The following TEX9 variants were observed in gnomAD, a reference collection of about 807,000 sequenced individuals.
The protein encoded by TEX9 is testis expressed 9.
TEX9 carries 74 observed loss-of-function variants against 59.6 expected under a neutral mutation model. That is an observed-to-expected ratio of 1.24 (90% CI 1.03 to 1.51). The LOEUF (loss-of-function observed/expected upper bound fraction) is 1.51, where lower values mean the gene tolerates loss of function less well. TEX9 is among the 40% of genes most tolerant of loss of function. The pLI, the probability that TEX9 is intolerant of heterozygous loss-of-function variation, is 0.00. For synonymous variants in TEX9, 186 were observed against 152.2 expected, an observed-to-expected ratio of 1.22 and a Z score of -1.64; for missense variants, 522 against 447.8, an observed-to-expected ratio of 1.17 and a Z score of -1.49.
Position 56,264,196 on chromosome 15 carries a change from A to G in TEX9, c.-107+19918A>G, listed in dbSNP as rs74018609. On this transcript the variant is annotated intron_variant, in intron 1 of 5. Coordinates refer to the TEX9 transcript ENST00000560827. ...GTCGCACCGTTTTTGAATTCCCAGC[A>G]ATAATGAATAAGGATTCCAATTTGT... 4.6e-3 allele frequency among the ~76,000 whole-genome samples: 706 copies of G among 152,320 alleles called. 12 individuals are homozygous for G. The highest frequency in any genetic ancestry group is 0.017 in the African/African-American group (689 of 41,576).
At chr15:56,327,394 T>C (rs535818894) in intron 1 of TEX9, among the ~76,000 whole-genome samples, 2 of 152,326 alleles carry the variant, frequency 1.3e-5, no homozygotes, top group African/African-American at 4.8e-5. Flanking sequence ...AAAACAATGC[T>C]TAAAAGATAT....
exon 9 of TEX9, chr15:56,394,736 A>C: frequency 6.2e-7 from 1 of 1,611,692 alleles, no homozygotes; most frequent in Non-Finnish European, 8.5e-7. Context: ...GCGAACAATT[A>C]ATATGCAACA....
intron 1 of TEX9, among the ~76,000 whole-genome samples, chr15:56,286,756 G>C (rs2044962602): frequency 6.6e-6 from 1 of 152,132 alleles, no homozygotes; most frequent in Non-Finnish European, 1.5e-5. Flanking sequence ...GAAAAATAAA[G>C]TTGTATGTCT....
At chr15:56,359,737 T>C (rs1361110953) in intron 1 of TEX9, among the ~76,000 whole-genome samples, 3 of 152,166 alleles carry the variant, frequency 2.0e-5, no homozygotes, top group Non-Finnish European at 2.9e-5. Flanking sequence ...TGTATACTCC[T>C]TATTCCCTTT....
At chr15:56,421,813 T>C (rs1388226737) in intron 10 of TEX9, 3 of 151,700 alleles carry the variant, frequency 2.0e-5, no homozygotes, top group African/African-American at 7.3e-5. Flanking sequence ...TTTTTATGGC[T>C]GCATAGTATT....
At chr15:56,344,235 T>C (rs927402306) in intron 1 of TEX9, among the ~76,000 whole-genome samples, 3 of 152,216 alleles carry the variant, frequency 2.0e-5, no homozygotes, top group Non-Finnish European at 4.4e-5. Context: ...ATAACAGCAT[T>C]ATCCATAATT....
intron 1 of TEX9, among the ~76,000 whole-genome samples, chr15:56,283,164 A>G (rs2141464193): frequency 6.6e-6 from 1 of 152,088 alleles, no homozygotes; most frequent in South Asian, 2.1e-4. Flanking sequence ...GAGAGTTTGA[A>G]GGGACACAGG....
At chr15:56,456,657 G>C in the TEX9 span, 1 of 902,380 alleles carries the variant, frequency 1.1e-6, no homozygotes, top group Non-Finnish European at 1.6e-6. Context: ...AATACAAAAT[G>C]TTGTTTCAAT....
chr15:56,249,580 A>T (rs1219194416), intron 1 of TEX9, among the ~76,000 whole-genome samples: 2 of 151,882 alleles, frequency 1.3e-5, no homozygotes, highest in East Asian at 3.9e-4. Context: ...TCTACTAAAA[A>T]TACAAAAATT....
At position 56,335,622 on chromosome 15, in the gene TEX9, T is replaced by C. The variant is rs78197839; in HGVS notation, c.-106-37819T>C. 6.8e-4 allele frequency among the ~76,000 whole-genome samples: 104 copies of C among 152,318 alleles called. 3 individuals carry two copies. In the East Asian group the frequency reaches 0.02, roughly 29 times the overall value. On this transcript the variant is annotated intron_variant, in intron 1 of 5. Coordinates refer to the TEX9 transcript ENST00000560827. ...TGATTATAGTAAAAACTAATTTAGT[T>C]GTACATTTAAAAATAACTAGAAGAA... is the stretch of plus-strand genomic sequence containing the variant.
At chr15:56,455,445 C>T in the TEX9 span, among the ~76,000 whole-genome samples, 1 of 152,056 alleles carries the variant, frequency 6.6e-6, no homozygotes, top group African/African-American at 2.4e-5. Flanking sequence ...ATTTGCCAAA[C>T]ATATTAATAT....
intron 1 of TEX9, among the ~76,000 whole-genome samples, chr15:56,273,639 A>C (rs1414884954): frequency 2.0e-5 from 3 of 152,144 alleles, no homozygotes; most frequent in African/African-American, 7.2e-5. Flanking sequence ...TTTCTGTAAT[A>C]CTTCTGTTTA....
chr15:56,327,593 C>T (rs2682019), intron 1 of TEX9, among the ~76,000 whole-genome samples: 52,945 of 152,058 alleles, frequency 0.35, 10,578 homozygotes, highest in Non-Finnish European at 0.45. Context: ...GAAAGAAGCA[C>T]TGAAGAGGGT....
At chr15:56,453,005 TC>T in the TEX9 span, among the ~76,000 whole-genome samples, 1 of 152,202 alleles carries the variant, frequency 6.6e-6, no homozygotes, top group East Asian at 1.9e-4. Flanking sequence ...AATAATCAAT[TC>T]CTATTATCGT....
intron 1 of TEX9, among the ~76,000 whole-genome samples, chr15:56,287,764 A>T (rs1593458): frequency 1 from 152,212 of 152,310 alleles, 76,057 homozygotes; most frequent in Middle Eastern, 1. Context: ...ATAAATGAGA[A>T]CATATGGTAT....
rs1412347485 is a variant in TEX9 at position 56,412,308 on chromosome 15, G to T, written c.835G>T (p.Glu279Ter). 1.2e-6 allele frequency: 2 copies of T among 1,604,934 alleles called. No homozygotes were observed. Among genetic ancestry groups the T allele is most frequent in the East Asian group, 4.5e-5 (2 of 44,792 alleles). Residue 279 changes from glutamate to a stop codon, truncating the protein, a stop_gained, in exon 10 of 13, where the codon GAA becomes TAA. Coordinates refer to ENST00000352903, the Ensembl canonical transcript of TEX9. LOFTEE classifies it high-confidence loss of function. ...AATCTTTTTTACTATACAGGAATTA[G>T]AAAATAAAAGAAGACTGCAAAAACA...
chr15:56,291,066 A>G (rs2045077382), intron 1 of TEX9, among the ~76,000 whole-genome samples: 1 of 152,224 alleles, frequency 6.6e-6, no homozygotes. Flanking sequence ...AATGTAAACC[A>G]AGTCCCAATT....
At chr15:56,446,865 C>T (rs17238740), downstream of TEX9, 82,087 of 1,608,758 alleles carry the variant, frequency 0.051, 2,632 homozygotes, top group Admixed American at 0.12. Context: ...TAATGGCATC[C>T]TTTTCAGCAA....
intron 1 of TEX9, among the ~76,000 whole-genome samples, chr15:56,279,212 C>T (rs1321092710): frequency 6.6e-6 from 1 of 152,130 alleles, no homozygotes; most frequent in Non-Finnish European, 1.5e-5. Flanking sequence ...ATAGTTTTCT[C>T]ATGTTTTAAA....
Sources: allele counts gnomAD v4.1 joint callset (sites outside exome capture counted in the v4.1 genomes callset), GRCh38; gene constraint gnomAD v4.1.1; transcripts MANE v1.5; gene names NCBI Gene and HGNC (gene_info 2026-07-23, HGNC 2026-07-21).